SULT2B1: variants seen among roughly 807,000 people sequenced by gnomAD.
SULT2B1 encodes sulfotransferase 2B1.
SULT2B1 carries 16 observed loss-of-function variants against 33.2 expected under a neutral mutation model. That is an observed-to-expected ratio of 0.48 (90% CI 0.33 to 0.73). SULT2B1 has a LOEUF of 0.73. SULT2B1 is among the 30% of genes least tolerant of loss of function. SULT2B1 has a pLI of 0.02. For synonymous variants in SULT2B1, 186 were observed against 200.5 expected (o/e 0.93, Z 0.61); for missense variants, 500 against 506.0 (o/e 0.99, Z 0.11).
chr19:48,570,037 C>T (rs558593889), intron 1 of SULT2B1, among the ~76,000 whole-genome samples: 1 of 152,204 alleles, frequency 6.6e-6, no homozygotes, highest in African/African-American at 2.4e-5. Context: ...ATTAGGACGA[C>T]AACATCATTG....
intron 2 of SULT2B1, among the ~76,000 whole-genome samples, chr19:48,576,640 CTTT>C (rs71335805): frequency 0.025 from 2,924 of 116,392 alleles, 106 homozygotes; most frequent in African/African-American, 0.087. Context: ...AAATTGTATA[CTTT>C]TTTTTTTTTT....
chr19:48,581,286 C>T (rs1225209326), intron 2 of SULT2B1, among the ~76,000 whole-genome samples: 1 of 146,704 alleles, frequency 6.8e-6, no homozygotes, highest in African/African-American at 2.5e-5. Flanking sequence ...TCAGGTGATC[C>T]GCCCAACTCG....
intron 1 of SULT2B1, among the ~76,000 whole-genome samples, chr19:48,574,687 A>G (rs1203073561): frequency 1.3e-5 from 2 of 152,222 alleles, no homozygotes; most frequent in Non-Finnish European, 2.9e-5. Context: ...TTATCCTCAC[A>G]TGACAGATGA....
At chr19:48,569,363 C>CATATATATAT (rs1159840741) in intron 1 of SULT2B1, among the ~76,000 whole-genome samples, 100 of 33,198 alleles carry the variant, frequency 3.0e-3, no homozygotes, top group East Asian at 4.0e-3. Flanking sequence ...AAAAAAAAAA[C>CATATATATAT]ATATATATAT....
intron 3 of SULT2B1, among the ~76,000 whole-genome samples, chr19:48,589,779 G>A (rs1194883111): frequency 6.6e-6 from 1 of 152,170 alleles, no homozygotes; most frequent in Non-Finnish European, 1.5e-5. Context: ...GGGCAACTTA[G>A]AAACACCCAT....
chr19:48,567,002 T>C (rs9676485), intron 1 of SULT2B1, among the ~76,000 whole-genome samples: 19,842 of 151,050 alleles, frequency 0.13, 1,413 homozygotes, highest in African/African-American at 0.16. Flanking sequence ...GACTCTGTTT[T>C]AAAAAAAAAG....
chr19:48,576,091 C>A lies in SULT2B1; in HGVS notation c.214+8C>A. On this transcript the variant is annotated splice_region_variant and intron_variant, in intron 2 of 6. Coordinates refer to ENST00000201586, the MANE Select transcript of SULT2B1 (RefSeq NM_177973.2). ...TCACCTACCCCAAGTCAGGTACCTGCCGGGCTGCGGGCGTCGGGGGCTGGG... is the reference window on the plus strand; with the variant it reads ...TCACCTACCCCAAGTCAGGTACCTGACGGGCTGCGGGCGTCGGGGGCTGGG... 6.2e-7 allele frequency: 1 copy of A among 1,603,568 alleles called. No individual in the cohort carries two copies. Among genetic ancestry groups the A allele is most frequent in the Non-Finnish European group, 8.5e-7 (1 of 1,174,210 alleles).
At chr19:48,567,002 T>A (rs9676485) in intron 1 of SULT2B1, among the ~76,000 whole-genome samples, 17 of 151,104 alleles carry the variant, frequency 1.1e-4, no homozygotes, top group African/African-American at 2.9e-4. Flanking sequence ...GACTCTGTTT[T>A]AAAAAAAAAG....
intron 2 of SULT2B1, among the ~76,000 whole-genome samples, chr19:48,578,068 C>A (rs1973438276): frequency 6.6e-6 from 1 of 151,848 alleles, no homozygotes; most frequent in Non-Finnish European, 1.5e-5. Context: ...AAAAAATTAG[C>A]CAGGCGTGGT....
chr19:48,565,179 G>A (rs763249311), intron 1 of SULT2B1, among the ~76,000 whole-genome samples: 1 of 151,986 alleles, frequency 6.6e-6, no homozygotes, highest in Non-Finnish European at 1.5e-5. Context: ...GCCTCCGTAG[G>A]CCTCCCAAAG....
intron 2 of SULT2B1, among the ~76,000 whole-genome samples, chr19:48,577,696 C>A (rs1480391147): frequency 6.6e-6 from 1 of 151,770 alleles, no homozygotes; most frequent in Non-Finnish European, 1.5e-5. Context: ...ATAACAAAAA[C>A]TCTTCCTTCC....
Position 48,599,213 on chromosome 19 carries a change from G to A in SULT2B1, c.905G>A (p.Arg302Gln), listed in dbSNP as rs776553066. Residue 302 changes from arginine (R) to glutamine (Q), a missense_variant, in exon 7 of 7, where the codon CGG (arginine) becomes CAG (glutamine). Transcript: ENST00000201586. The surrounding 1 kb of genome is among the most constrained non-coding windows in gnomAD (Gnocchi z 4.1). ...GATCGTGCCTACCGCAAGCAGATGC[G>A]GGGGATGCCGACCTTCCCCTGGGAT... ...AFDRAYRKQM[R>Q]GMPTFPWDED... is the part of the protein sequence containing the mutation. 24 of 1,606,364 alleles carry A rather than the reference G, an allele frequency of 1.5e-5. No homozygotes were observed. Among genetic ancestry groups the A allele is most frequent in the Admixed American group, 6.7e-5 (4 of 59,350 alleles).
At chr19:48,562,054 C>T (rs1156345725) in intron 1 of SULT2B1, among the ~76,000 whole-genome samples, 5 of 152,104 alleles carry the variant, frequency 3.3e-5, no homozygotes, top group African/African-American at 1.2e-4. Flanking sequence ...GTTTTGAGAT[C>T]AGCCTGACCA....
intron 1 of SULT2B1, among the ~76,000 whole-genome samples, chr19:48,553,711 C>T (rs771880640): frequency 1.3e-5 from 2 of 152,192 alleles, no homozygotes; most frequent in Non-Finnish European, 2.9e-5. Flanking sequence ...ACTCCAGAGA[C>T]AGGAGCAGTT....
chr19:48,583,439 C>T (rs1973520632), intron 2 of SULT2B1, among the ~76,000 whole-genome samples: 1 of 152,210 alleles, frequency 6.6e-6, no homozygotes, highest in African/African-American at 2.4e-5. Flanking sequence ...AAAGCTGAAA[C>T]TATCCAAATA....
At chr19:48,588,994 C>A (rs144864900) in intron 3 of SULT2B1, among the ~76,000 whole-genome samples, 1 of 152,264 alleles carries the variant, frequency 6.6e-6, no homozygotes, top group Non-Finnish European at 1.5e-5. Flanking sequence ...GAGCTCTGAC[C>A]GAGTGACGAG....
At chr19:48,583,011 C>T (rs766689937) in intron 2 of SULT2B1, among the ~76,000 whole-genome samples, 18 of 146,096 alleles carry the variant, frequency 1.2e-4, no homozygotes, top group Non-Finnish European at 2.1e-4. Flanking sequence ...ATTAGCCAGG[C>T]GTGGTCGTGC....
chr19:48,556,449 T>C (rs1185808631), intron 1 of SULT2B1, among the ~76,000 whole-genome samples: 1 of 151,542 alleles, frequency 6.6e-6, no homozygotes, highest in Non-Finnish European at 1.5e-5. Context: ...CAGGGAGTGC[T>C]GGGAAAGGGA....
chr19:48,566,415 C>T (rs1326627449), intron 1 of SULT2B1, among the ~76,000 whole-genome samples: 3 of 151,476 alleles, frequency 2.0e-5, no homozygotes, highest in Admixed American at 6.6e-5. Flanking sequence ...AATATATGTA[C>T]GGCTGGGCAC....
Sources: gnomAD v4.1 joint callset for allele counts (sites outside exome capture counted in the v4.1 genomes callset) on GRCh38, gnomAD v4.1.1 for gene constraint, Gnocchi (gnomAD v3.1) non-coding constraint, MANE v1.5 for transcripts, NCBI Gene and HGNC (gene_info 2026-07-23, HGNC 2026-07-21) for gene names.